Variants in TFAP2E observed in about 807,000 individuals in gnomAD.
The protein encoded by TFAP2E is transcription factor AP-2 epsilon.
In TFAP2E, 30 loss-of-function variants were observed where a neutral mutation model predicts 37.9. The observed-to-expected ratio is 0.79, with a 90% CI of 0.59 to 1.07. TFAP2E has a LOEUF of 1.07. Among genes scored for constraint, TFAP2E ranks in the 50% least tolerant of loss-of-function variants. TFAP2E has a pLI of 0.00. For synonymous variants in TFAP2E, 318 were observed against 295.8 expected, an observed-to-expected ratio of 1.08 and a Z score of -0.77; for missense variants, 567 against 637.9, an observed-to-expected ratio of 0.89 and a Z score of 1.20.
At chr1:35,582,633 GC>G (rs1649382011) in intron 3 of TFAP2E, among the ~76,000 whole-genome samples, 1 of 148,700 alleles carries the variant, frequency 6.7e-6, no homozygotes, top group Non-Finnish European at 1.5e-5. Flanking sequence ...GTGAGCAACT[GC>G]TCTCTTTTTT....
intron 3 of TFAP2E, among the ~76,000 whole-genome samples, chr1:35,587,013 T>C (rs1045432401): frequency 1.3e-5 from 2 of 152,224 alleles, no homozygotes; most frequent in Non-Finnish European, 1.5e-5. Flanking sequence ...GACATCAGTC[T>C]CCTCATCTGT....
chr1:35,593,315 G>A lies in TFAP2E; in HGVS notation c.1047-1079G>A, dbSNP rs117787847. On this transcript the variant is annotated intron_variant, in intron 6 of 6. Transcript: ENST00000373235. ...GGGTGACAGAGCAAGACCTTGTCTCGGAAAAAAAAGAAAAGAGAGAGATAA... is the reference window on the plus strand; with the variant it reads ...GGGTGACAGAGCAAGACCTTGTCTCAGAAAAAAAAGAAAAGAGAGAGATAA... Among the ~76,000 whole-genome samples, 897 of 151,964 alleles carry A rather than the reference G, an allele frequency of 5.9e-3. 20 individuals carry two copies. In the East Asian group the frequency reaches 0.063, roughly 11 times the overall value.
Position 35,590,680 on chromosome 1 carries a change from G to A in TFAP2E, c.951G>A (p.Thr317=), listed in dbSNP as rs368749960. Residue 317 remains threonine (T), a synonymous_variant, in exon 6 of 7, where the codon ACG becomes ACA. Coordinates refer to ENST00000373235, the MANE Select transcript of TFAP2E (RefSeq NM_178548.4). This position sits in a 1 kb window ranked among gnomAD's most constrained non-coding sequence, Gnocchi z 6.2. ...GAGACTTCGGTTACGTCTGTGAGAC[G>A]GAGTTCCCAGCCAAGGCAGCTGCCG... ...LARDFGYVCE[T]EFPAKAAAEY... is the part of the protein sequence containing the mutation. The A allele has an allele frequency of 1.3e-5, 20 of 1,556,158 alleles. No individual in the cohort carries two copies. The highest frequency in any genetic ancestry group is 5.4e-5 in the African/African-American group (4 of 73,702).
Position 35,573,671 on chromosome 1 carries a change from A to G in TFAP2E, c.27+67A>G, listed in dbSNP as rs1339612464. 9 of 1,525,058 alleles carry G rather than the reference A, an allele frequency of 5.9e-6. No individual in the cohort carries two copies. The highest frequency in any genetic ancestry group is 7.9e-6 in the Non-Finnish European group (9 of 1,136,570). The allele number at this position is 1,525,058 out of a possible 1,614,324, so 94.5% of individuals were successfully genotyped here. ...GGGGCGCCTGAGTGCTGGACTTTCCAACCCTCCTGTCCCGCGCTAACGAAA... is the reference window on the plus strand; with the variant it reads ...GGGGCGCCTGAGTGCTGGACTTTCCGACCCTCCTGTCCCGCGCTAACGAAA... On this transcript the variant is annotated intron_variant, in intron 1 of 6. Transcript: ENST00000373235. This position sits in a 1 kb window ranked among gnomAD's most constrained non-coding sequence, Gnocchi z 5.9.
At chr1:35,579,936 G>C (rs549909205) in intron 3 of TFAP2E, among the ~76,000 whole-genome samples, 81 of 152,236 alleles carry the variant, frequency 5.3e-4, no homozygotes, top group Non-Finnish European at 9.6e-4. Flanking sequence ...GCCGGGCGCA[G>C]TGGCTTATGC....
In TFAP2E at chr1:35,574,963, G is replaced by A. The variant is rs1446745341; in HGVS notation, c.525G>A (p.Pro175=). The A allele has an allele frequency of 9.3e-6, 15 of 1,613,974 alleles. No individual in the cohort carries two copies. The highest frequency in any genetic ancestry group is 3.3e-4 in the Middle Eastern group (2 of 6,060). ...GCTATTTGCAGGCAATGGACGAGCC[G>A]GGAATGAGCCTCCTAGACCAGTCCG... ...GLEDLQAMDE[P]GMSLLDQSVI... is the part of the protein sequence containing the mutation. Residue 175 remains proline (P), a synonymous_variant, in exon 3 of 7, where the codon CCG becomes CCA. Transcript: ENST00000373235.
At position 35,590,141 on chromosome 1, in the gene TFAP2E, T is replaced by C; in HGVS notation, c.904+93T>C. On this transcript the variant is annotated intron_variant, in intron 5 of 6. Transcript: ENST00000373235. This position sits in a 1 kb window ranked among gnomAD's most constrained non-coding sequence, Gnocchi z 6.2. Reference sequence around the variant, plus strand: ...CTCTAATGCAGGAGGGTGTGTTTAGTGGTGTGTGTGTATCCGTGTAAGTGT... The same window carrying C: ...CTCTAATGCAGGAGGGTGTGTTTAGCGGTGTGTGTGTATCCGTGTAAGTGT... 8.7e-7 allele frequency: 1 copy of C among 1,149,900 alleles called. No homozygotes were observed. The highest frequency in any genetic ancestry group is 1.3e-6 in the Non-Finnish European group (1 of 766,794). The allele number at this position is 1,149,900 out of a possible 1,614,324, so 71.2% of individuals were successfully genotyped here.
intron 6 of TFAP2E, among the ~76,000 whole-genome samples, chr1:35,591,249 C>T (rs1423211975): frequency 6.6e-6 from 1 of 152,156 alleles, no homozygotes; most frequent in Non-Finnish European, 1.5e-5. Context: ...TACATGTGAA[C>T]ATATCTGGGC....
Position 35,590,746 on chromosome 1 carries a change from C to T in TFAP2E, c.1017C>T (p.His339=), listed in dbSNP as rs771582457. Residue 339 remains histidine, a synonymous_variant, in exon 6 of 7, where the codon CAC becomes CAT. Transcript: ENST00000373235. The surrounding 1 kb of genome is among the most constrained non-coding windows in gnomAD (Gnocchi z 6.2). ...CRQHADPGEL[H]SRKSMLLAAK... Reference sequence around the variant, plus strand: ...AGCACGCTGACCCGGGGGAGCTGCACAGCCGCAAGAGCATGCTGCTGGCTG... The same window carrying T: ...AGCACGCTGACCCGGGGGAGCTGCATAGCCGCAAGAGCATGCTGCTGGCTG... The T allele has an allele frequency of 6.0e-6, 9 of 1,502,028 alleles. No homozygotes were observed. Among genetic ancestry groups the T allele is most frequent in the African/African-American group, 4.2e-5 (3 of 72,204 alleles). 93.0% of individuals were successfully genotyped at this position (1,502,028 alleles called of 1,614,324 possible).
At position 35,590,862 on chromosome 1, in the gene TFAP2E, A is replaced by G. The variant is rs1571109311; in HGVS notation, c.1046+87A>G. 4.6e-6 allele frequency: 6 copies of G among 1,290,364 alleles called. No individual in the cohort carries two copies. The highest frequency in any genetic ancestry group is 2.0e-4 in the Middle Eastern group (1 of 4,910). 79.9% of individuals were successfully genotyped at this position (1,290,364 alleles called of 1,614,324 possible). On this transcript the variant is annotated intron_variant, in intron 6 of 6. Coordinates refer to ENST00000373235, the MANE Select transcript of TFAP2E (RefSeq NM_178548.4). This position sits in a 1 kb window ranked among gnomAD's most constrained non-coding sequence, Gnocchi z 6.2. ...GGGCACAATGGACACCACTGTGTAC[A>G]TGAGCAGTGGGCACACATGCGTATT... is the stretch of plus-strand genomic sequence containing the variant.
At chr1:35,575,700 T>C (rs1649148069) in intron 3 of TFAP2E, among the ~76,000 whole-genome samples, 1 of 152,246 alleles carries the variant, frequency 6.6e-6, no homozygotes, top group Non-Finnish European at 1.5e-5. Context: ...CTCTGTATGT[T>C]GGTGTGCATT....
chr1:35,574,714 G>A, intron 2 of TFAP2E: 1 of 647,280 alleles, frequency 1.5e-6, no homozygotes, highest in Non-Finnish European at 2.7e-6. Context: ...GCGAAGAGAA[G>A]CATAATAGTT....
At chr1:35,579,575 A>T (rs1649288646) in intron 3 of TFAP2E, among the ~76,000 whole-genome samples, 1 of 151,644 alleles carries the variant, frequency 6.6e-6, no homozygotes, top group South Asian at 2.1e-4. Flanking sequence ...TTGTATTTTT[A>T]GTAGGGGCGT....
At chr1:35,576,028 C>T (rs568563787) in intron 3 of TFAP2E, among the ~76,000 whole-genome samples, 9 of 152,282 alleles carry the variant, frequency 5.9e-5, no homozygotes, top group African/African-American at 2.2e-4. Flanking sequence ...GGCAGGTGCC[C>T]GAAAGAATTC....
Position 35,590,118 on chromosome 1 carries a change from C to A in TFAP2E, c.904+70C>A. On this transcript the variant is annotated intron_variant, in intron 5 of 6. Coordinates refer to ENST00000373235, the MANE Select transcript of TFAP2E (RefSeq NM_178548.4). This position sits in a 1 kb window ranked among gnomAD's most constrained non-coding sequence, Gnocchi z 6.2. ...AGTGAGTTGTCTGGTGTGACTGTCT[C>A]TAATGCAGGAGGGTGTGTTTAGTGG... 1 of 1,425,848 alleles carries A rather than the reference C, an allele frequency of 7.0e-7. No homozygotes were observed. The highest frequency in any genetic ancestry group is 9.9e-7 in the Non-Finnish European group (1 of 1,011,782). The allele number at this position is 1,425,848 out of a possible 1,614,324, so 88.3% of individuals were successfully genotyped here.
In TFAP2E at chr1:35,594,634, T is replaced by G. The variant is rs1232623674; in HGVS notation, c.1287T>G (p.Gly429=). 6 of 1,614,148 alleles carry G rather than the reference T, an allele frequency of 3.7e-6. No individual in the cohort carries two copies. Among genetic ancestry groups the G allele is most frequent in the Non-Finnish European group, 5.1e-6 (6 of 1,180,026 alleles). The change falls in exon 7 of 7, where the codon GGT becomes GGG. Residue 429 remains glycine, a synonymous_variant. Transcript: ENST00000373235. The part of the protein sequence containing the change: ...MFLSSVGSGH[G]ETKASEKDAK... ...TAAGCAGTGTGGGCAGTGGGCATGG[T>G]GAAACCAAGGCTTCGGAGAAGGATG... is the stretch of plus-strand genomic sequence containing the variant.
chr1:35,575,444 T>C (rs1392604783), intron 3 of TFAP2E, among the ~76,000 whole-genome samples: 1 of 152,256 alleles, frequency 6.6e-6, no homozygotes, highest in African/African-American at 2.4e-5. Flanking sequence ...GGCAGGGCCT[T>C]GGAGGCCTCT....
intron 3 of TFAP2E, among the ~76,000 whole-genome samples, chr1:35,584,333 G>A (rs2148550022): frequency 6.6e-6 from 1 of 152,030 alleles, no homozygotes; most frequent in African/African-American, 2.4e-5. Context: ...AAACTTCTGG[G>A]CTCAAGTGAT....
At chr1:35,575,291 T>C (rs575085668) in intron 3 of TFAP2E, among the ~76,000 whole-genome samples, 1 of 152,350 alleles carries the variant, frequency 6.6e-6, no homozygotes, top group East Asian at 1.9e-4. Context: ...GGAGTTGATT[T>C]GCAGAACGAG....
Sources: gnomAD v4.1 joint callset for allele counts (sites outside exome capture counted in the v4.1 genomes callset) on GRCh38, gnomAD v4.1.1 for gene constraint, Gnocchi (gnomAD v3.1) non-coding constraint, MANE v1.5 for transcripts, NCBI Gene and HGNC (gene_info 2026-07-23, HGNC 2026-07-21) for gene names.